The following HS1BP3 variants were observed in gnomAD, a reference collection of about 807,000 sequenced individuals.
The protein encoded by HS1BP3 is HCLS1-binding protein 3.
HS1BP3 carries 32 observed loss-of-function variants against 33.5 expected under a neutral mutation model. The ratio of observed to expected loss-of-function variants is 0.95; its 90% CI spans 0.72 to 1.28. HS1BP3 has a LOEUF of 1.28. Among genes scored for constraint, HS1BP3 ranks in the 50% most tolerant of loss-of-function variants. The pLI, the probability that HS1BP3 is intolerant of heterozygous loss-of-function variation, is 0.00. For missense variants in HS1BP3, 486 were observed against 502.3 expected, an observed-to-expected ratio of 0.97 and a Z score of 0.31; for synonymous variants, 187 against 209.2, an observed-to-expected ratio of 0.89 and a Z score of 0.92.
intron 6 of HS1BP3, chr2:20,622,218 G>A (rs937616463): frequency 3.1e-6 from 4 of 1,297,178 alleles, no homozygotes; most frequent in Non-Finnish European, 4.1e-6. Flanking sequence ...TTATGAGGAA[G>A]TCCAACTACT....
At chr2:20,615,952 A>C (rs1694415151), downstream of HS1BP3, among the ~76,000 whole-genome samples, 1 of 152,208 alleles carries the variant, frequency 6.6e-6, no homozygotes, top group Middle Eastern at 3.2e-3. Context: ...GGCCCATGAC[A>C]CAGGCCTGGC....
At chr2:20,643,810 G>A (rs968869879) in intron 2 of HS1BP3, among the ~76,000 whole-genome samples, 1 of 152,160 alleles carries the variant, frequency 6.6e-6, no homozygotes, top group African/African-American at 2.4e-5. Flanking sequence ...GTGTGTGCCT[G>A]TAGTCCTAGA....
chr2:20,568,544 T>C (rs1051972192), intron 5 of HS1BP3, among the ~76,000 whole-genome samples: 10 of 151,554 alleles, frequency 6.6e-5, no homozygotes, highest in African/African-American at 2.4e-4. Context: ...CTGGGCCCTT[T>C]GTCTGGGGAC....
intron 4 of HS1BP3, among the ~76,000 whole-genome samples, chr2:20,632,713 G>C (rs1695005917): frequency 6.6e-6 from 1 of 152,180 alleles, no homozygotes; most frequent in Admixed American, 6.5e-5. Flanking sequence ...ATCTCTCAAG[G>C]AACCAAGCAA....
Position 20,624,790 on chromosome 2 carries a change from A to G in HS1BP3, c.726T>C (p.Phe242=). Residue 242 remains phenylalanine (F), a synonymous_variant, in exon 5 of 7, where the codon TTT becomes TTC. Coordinates refer to ENST00000304031, the MANE Select transcript of HS1BP3 (RefSeq NM_022460.4). The part of the protein sequence containing the change: ...DEEVDPDEGL[F]GPGRKLSPQD... ...GTGGAGACAGCTTCCTGCCCGGGCCAAAGAGCCCCTCATCAGGGTCCACCT... is the reference window on the plus strand; with the variant it reads ...GTGGAGACAGCTTCCTGCCCGGGCCGAAGAGCCCCTCATCAGGGTCCACCT... The G allele has an allele frequency of 6.2e-7, 1 of 1,613,338 alleles. No homozygotes were observed. The highest frequency in any genetic ancestry group is 8.5e-7 in the Non-Finnish European group (1 of 1,179,562).
At chr2:20,616,628 A>G (rs34101445), downstream of HS1BP3, among the ~76,000 whole-genome samples, 36,051 of 152,090 alleles carry the variant, frequency 0.24, 5,068 homozygotes, top group Non-Finnish European at 0.32. Context: ...CTGGGACTCT[A>G]TGCCTCCTCT....
At chr2:20,581,625 C>T (rs138347343) in intron 5 of HS1BP3, among the ~76,000 whole-genome samples, 424 of 152,340 alleles carry the variant, frequency 2.8e-3, no homozygotes, top group African/African-American at 9.5e-3. Flanking sequence ...GCTGGGATTA[C>T]AGGCATGAGC....
intron 5 of HS1BP3, among the ~76,000 whole-genome samples, chr2:20,561,649 G>T (rs185525236): frequency 2.2e-4 from 33 of 152,244 alleles, no homozygotes; most frequent in African/African-American, 6.3e-4. Flanking sequence ...GTGGCCAAAT[G>T]GTTCTGCCCC....
intron 2 of HS1BP3, among the ~76,000 whole-genome samples, chr2:20,643,881 T>C (rs1284459731): frequency 2.0e-5 from 3 of 152,198 alleles, no homozygotes; most frequent in Admixed American, 1.3e-4. Flanking sequence ...TGCACTGAGC[T>C]ATGATCACAC....
chr2:20,598,260 TC>T lies in HS1BP3; in HGVS notation c.183del (p.Asp62ThrfsTer3). ...AGCTTGTTTGCCTGCAACTAGATGGTCCCACCTTCAGGGGATGAGAGACAGT... is the reference window on the plus strand; with the variant it reads ...AGCTTGTTTGCCTGCAACTAGATGGTCCACCTTCAGGGGATGAGAGACAGT... On this transcript the variant is annotated frameshift_variant, in exon 3 of 4. Transcript: ENST00000415264. LOFTEE classifies it high-confidence loss of function. 4.7e-6 allele frequency: 2 copies of T among 423,678 alleles called. No individual in the cohort carries two copies. Among genetic ancestry groups the T allele is most frequent in the South Asian group, 1.7e-5 (1 of 59,202 alleles). The allele number at this position is 423,678 out of a possible 1,614,324, so 26.2% of individuals were successfully genotyped here.
At chr2:20,575,723 G>A (rs1016105942) in intron 5 of HS1BP3, among the ~76,000 whole-genome samples, 2 of 151,046 alleles carry the variant, frequency 1.3e-5, no homozygotes, top group South Asian at 2.1e-4. Context: ...TCTTCCACAC[G>A]GGGGCCTGGC....
At chr2:20,641,627 G>A (rs909863336) in intron 2 of HS1BP3, among the ~76,000 whole-genome samples, 4 of 152,280 alleles carry the variant, frequency 2.6e-5, no homozygotes, top group Non-Finnish European at 5.9e-5. Flanking sequence ...GGCCTTCGGC[G>A]GGCCAGCCAA....
chr2:20,599,651 C>CTT (rs1332896492), intron 2 of HS1BP3, among the ~76,000 whole-genome samples: 7 of 142,814 alleles, frequency 4.9e-5, no homozygotes, highest in African/African-American at 1.4e-4. Flanking sequence ...CACACACACT[C>CTT]TGTTTTTTTT....
At chr2:20,591,895 C>T (rs1276652873), downstream of HS1BP3, among the ~76,000 whole-genome samples, 5 of 152,132 alleles carry the variant, frequency 3.3e-5, no homozygotes, top group South Asian at 4.1e-4. Flanking sequence ...TTCTGAGCAG[C>T]GAACACCCCA....
At chr2:20,607,698 T>G (rs1694227637) in intron 2 of HS1BP3, among the ~76,000 whole-genome samples, 1 of 152,258 alleles carries the variant, frequency 6.6e-6, no homozygotes. Flanking sequence ...CCTCCAACTT[T>G]GCTCTTCTTT....
At chr2:20,598,616 T>C (rs1298603) in intron 2 of HS1BP3, among the ~76,000 whole-genome samples, 5 of 128,830 alleles carry the variant, frequency 3.9e-5, no homozygotes, top group Non-Finnish European at 7.8e-5. Context: ...TGGAGTGCAG[T>C]GGCGGGATCT....
At chr2:20,578,070 G>A (rs1693443925) in intron 5 of HS1BP3, among the ~76,000 whole-genome samples, 1 of 152,170 alleles carries the variant, frequency 6.6e-6, no homozygotes. Context: ...GGGACCTCTG[G>A]CATGGAACAC....
chr2:20,565,660 T>C (rs982380137), intron 5 of HS1BP3, among the ~76,000 whole-genome samples: 1 of 152,180 alleles, frequency 6.6e-6, no homozygotes, highest in African/African-American at 2.4e-5. Flanking sequence ...GTACGTCTAA[T>C]AACAGCTGCA....
chr2:20,619,325 C>A, intron 6 of HS1BP3, 80 bp from the exon 7 acceptor site: 5 of 1,263,334 alleles, frequency 4.0e-6, no homozygotes, highest in Non-Finnish European at 4.3e-6. Context: ...ATGCCAGTGC[C>A]CACACGGGGC....
Sources: allele counts gnomAD v4.1 joint callset (sites outside exome capture counted in the v4.1 genomes callset), GRCh38; gene constraint gnomAD v4.1.1; transcripts MANE v1.5; gene names NCBI Gene and HGNC (gene_info 2026-07-23, HGNC 2026-07-21).